PLEKHM3: variants seen among roughly 807,000 people sequenced by gnomAD.
PLEKHM3 encodes pleckstrin homology domain containing M3, also known as pleckstrin homology domain-containing family M member 3.
In PLEKHM3, 45 loss-of-function variants were observed where a neutral mutation model predicts 81.8. The ratio of observed to expected loss-of-function variants is 0.55; its 90% confidence interval spans 0.43 to 0.71. The LOEUF is 0.71. Among genes scored for constraint, PLEKHM3 ranks in the 30% least tolerant of loss-of-function variants. The probability of loss-of-function intolerance (pLI) is 0.00; values close to 1 mark genes in which losing one functional copy is unlikely to be tolerated. For synonymous variants in PLEKHM3, 352 were observed against 356.4 expected, an observed-to-expected ratio of 0.99 and a Z score of 0.14; for missense variants, 788 against 924.3, an observed-to-expected ratio of 0.85 and a Z score of 1.91.
chr2:207,844,774 T>C (rs1026333552), intron 7 of PLEKHM3, among the ~76,000 whole-genome samples: 6 of 152,068 alleles, frequency 3.9e-5, no homozygotes, highest in African/African-American at 1.4e-4. Flanking sequence ...CCCAGGTTGG[T>C]TTGTGGGTTC....
chr2:208,020,522 A>G (rs931482148), intron 1 of PLEKHM3, among the ~76,000 whole-genome samples: 5 of 152,214 alleles, frequency 3.3e-5, no homozygotes, highest in Admixed American at 1.3e-4. Context: ...GTATGATCCC[A>G]CAGTAGCCAA....
intron 6 of PLEKHM3, among the ~76,000 whole-genome samples, chr2:207,899,503 T>C (rs1166973862): frequency 6.6e-6 from 1 of 152,186 alleles, no homozygotes; most frequent in Admixed American, 6.5e-5. Flanking sequence ...ACATGCTTAA[T>C]AAATATTTGC....
intron 5 of PLEKHM3, among the ~76,000 whole-genome samples, chr2:207,920,209 T>C (rs1689134442): frequency 6.6e-6 from 1 of 152,204 alleles, no homozygotes; most frequent in South Asian, 2.1e-4. Context: ...TGCTTCGGAA[T>C]GGTCTAAGTC....
rs547083627 is a variant in PLEKHM3, at chr2:207,875,513, C to T, written c.1951-14251G>A. Among the ~76,000 whole-genome samples the T allele has an allele frequency of 1.2e-4, 19 of 152,258 alleles. No homozygotes were observed. In the East Asian group the frequency reaches 1.7e-3, roughly 14 times the overall value. Reference sequence around the variant, plus strand: ...TGGACTGGCAATATTTATTGAACTGCGAAGCATGCATACCCTTTGACCTAG... The same window carrying T: ...TGGACTGGCAATATTTATTGAACTGTGAAGCATGCATACCCTTTGACCTAG... On this transcript the variant is annotated intron_variant, in intron 6 of 7. Transcript: ENST00000427836.
rs551348210 is a variant in PLEKHM3, at chr2:208,008,301, C to T, written c.-318-6344G>A. On this transcript the variant is annotated intron_variant, in intron 1 of 7. Coordinates refer to ENST00000427836, the MANE Select transcript of PLEKHM3 (RefSeq NM_001080475.3). Reference sequence around the variant, plus strand: ...TTTCCAGTTCTAAAAGTAATAAATACTTGTAGAAACTCTGGTAAATAGTGA... The same window carrying T: ...TTTCCAGTTCTAAAAGTAATAAATATTTGTAGAAACTCTGGTAAATAGTGA... Among the ~76,000 whole-genome samples, 110 of 151,344 alleles carry T rather than the reference C, an allele frequency of 7.3e-4. No homozygotes were observed. The Middle Eastern group carries it at 0.014, about 19-fold the overall frequency.
At chr2:207,886,448 C>T (rs1049211027) in intron 6 of PLEKHM3, among the ~76,000 whole-genome samples, 1 of 152,216 alleles carries the variant, frequency 6.6e-6, no homozygotes, top group African/African-American at 2.4e-5. Context: ...ATTGTCATAG[C>T]TGCATTCCAC....
rs188737868 is a variant in PLEKHM3 at position 207,914,368 on chromosome 2, C to T, written c.1887-5791G>A. On this transcript the variant is annotated intron_variant, in intron 5 of 7. Coordinates refer to ENST00000427836, the MANE Select transcript of PLEKHM3 (RefSeq NM_001080475.3). ...AAAAAATTAGCTGGGCATGGTGGCG[C>T]ATGCCCGTGATCCCAGCTACTCAGG... 2.2e-3 allele frequency among the ~76,000 whole-genome samples: 338 copies of T among 152,002 alleles called. 2 individuals are homozygous for T. Among genetic ancestry groups the T allele is most frequent in the Non-Finnish European group, 2.3e-3 (154 of 67,966 alleles).
rs2092254923 is a variant in PLEKHM3, at chr2:207,826,976, C to T, written c.*1343G>A. The T allele has an allele frequency of 6.6e-6, 1 of 152,152 alleles. No individual in the cohort carries two copies. Among genetic ancestry groups the T allele is most frequent in the African/African-American group, 2.4e-5 (1 of 41,448 alleles). 9.4% of individuals were successfully genotyped at this position (152,152 alleles called of 1,614,324 possible). ...TGACTGCCACGTGCTCTTCCAAGGG[C>T]ACTGCAGCTGGAGAACACTACCTGC... is the stretch of plus-strand genomic sequence containing the variant. On this transcript the variant is annotated 3_prime_UTR_variant, in exon 8 of 8. Transcript: ENST00000427836.
chr2:207,876,473 CAAT>C (rs2092560533), intron 6 of PLEKHM3, among the ~76,000 whole-genome samples: 1 of 152,168 alleles, frequency 6.6e-6, no homozygotes, highest in South Asian at 2.1e-4. Flanking sequence ...AATTGCCTAT[CAAT>C]GAATCTGTCA....
intron 1 of PLEKHM3, among the ~76,000 whole-genome samples, chr2:208,018,737 C>T (rs1693014943): frequency 6.6e-6 from 1 of 152,160 alleles, no homozygotes; most frequent in Non-Finnish European, 1.5e-5. Context: ...ATGTTCTTTC[C>T]AAAATTAAAA....
At chr2:207,928,346 C>T (rs1287360732) in intron 5 of PLEKHM3, among the ~76,000 whole-genome samples, 1 of 152,204 alleles carries the variant, frequency 6.6e-6, no homozygotes, top group Non-Finnish European at 1.5e-5. Flanking sequence ...CCCTTGCTCA[C>T]TCCTTTCTTG....
At chr2:207,997,063 T>C (rs1224017964) in intron 2 of PLEKHM3, among the ~76,000 whole-genome samples, 1 of 151,956 alleles carries the variant, frequency 6.6e-6, no homozygotes, top group African/African-American at 2.4e-5. Context: ...CTGCCTTATA[T>C]TACACAACTA....
intron 1 of PLEKHM3, among the ~76,000 whole-genome samples, 163 bp from the exon 2 acceptor site, chr2:208,002,120 C>T (rs1028938667): frequency 5.3e-5 from 8 of 152,230 alleles, no homozygotes; most frequent in Non-Finnish European, 1.0e-4. Context: ...ATACATATCA[C>T]TACCCGCTTT....
At chr2:207,919,997 C>T in intron 5 of PLEKHM3, among the ~76,000 whole-genome samples, 1 of 152,170 alleles carries the variant, frequency 6.6e-6, no homozygotes, top group East Asian at 1.9e-4. Flanking sequence ...TGGTATTCAC[C>T]AGGACAGTTT....
chr2:207,931,904 C>T (rs1348131460), intron 4 of PLEKHM3, among the ~76,000 whole-genome samples: 1 of 152,162 alleles, frequency 6.6e-6, no homozygotes, highest in African/African-American at 2.4e-5. Context: ...ACTCAGAAGG[C>T]GGGGGTTGCA....
At chr2:207,849,185 C>A (rs1473770585) in intron 7 of PLEKHM3, among the ~76,000 whole-genome samples, 1 of 152,028 alleles carries the variant, frequency 6.6e-6, no homozygotes, top group Non-Finnish European at 1.5e-5. Context: ...AATACAAAAA[C>A]TAGCCGGGCA....
rs150745490 is a variant in PLEKHM3, at chr2:207,842,476, T to C, written c.2109-13980A>G. On this transcript the variant is annotated intron_variant, in intron 7 of 7. Transcript: ENST00000427836. ...CAAACATGGTTCAATTGTTTAATAA[T>C]GTATAAACTTTTAATAATTAAAATT... Among the ~76,000 whole-genome samples, 677 of 152,378 alleles carry C rather than the reference T, an allele frequency of 4.4e-3. 3 individuals are homozygous for C. Among genetic ancestry groups the C allele is most frequent in the African/African-American group, 0.014 (598 of 41,582 alleles).
chr2:207,919,843 G>A (rs578056842), intron 5 of PLEKHM3, among the ~76,000 whole-genome samples: 2 of 152,158 alleles, frequency 1.3e-5, no homozygotes, highest in African/African-American at 4.8e-5. Context: ...GAAGGAGGGG[G>A]AAGGCAGTCT....
At chr2:208,013,432 CT>C (rs1210725100) in intron 1 of PLEKHM3, among the ~76,000 whole-genome samples, 2 of 152,036 alleles carry the variant, frequency 1.3e-5, no homozygotes, top group Non-Finnish European at 2.9e-5. Flanking sequence ...AGGAGAATTG[CT>C]TAAACCCAGG....
Sources: gnomAD v4.1 joint callset for allele counts (sites outside exome capture counted in the v4.1 genomes callset) on GRCh38, gnomAD v4.1.1 for gene constraint, MANE v1.5 for transcripts, NCBI Gene and HGNC (gene_info 2026-07-23, HGNC 2026-07-21) for gene names.